The following GGTA1 variants were observed in gnomAD, a reference collection of about 807,000 sequenced individuals.
The protein encoded by GGTA1 is inactive N-acetyllactosaminide alpha-1,3-galactosyltransferase.
GGTA1 carries 5 observed loss-of-function variants against 2.6 expected under a neutral mutation model. That is an observed-to-expected ratio of 1.92 (90% CI 1.00 to 4.04). The LOEUF (loss-of-function observed/expected upper bound fraction) is 4.04. Among genes scored for constraint, GGTA1 ranks in the 30% most tolerant of loss-of-function variants. GGTA1 has a pLI of 0.00. For missense variants in GGTA1, 50 were observed against 16.7 expected (o/e 2.99, Z -3.47); for synonymous variants, 17 against 5.0 (o/e 3.38, Z -3.19).
At chr9:121,467,349 C>G (rs1457299348) in intron 2 of GGTA1, among the ~76,000 whole-genome samples, 2 of 152,186 alleles carry the variant, frequency 1.3e-5, no homozygotes, top group African/African-American at 4.8e-5. Flanking sequence ...CACTCTCTCT[C>G]TCTCTCAAAG....
intron 1 of GGTA1, among the ~76,000 whole-genome samples, chr9:121,491,473 C>T (rs12551532): frequency 0.071 from 10,841 of 152,214 alleles, 441 homozygotes; most frequent in Middle Eastern, 0.099. Flanking sequence ...ACTCTCTACC[C>T]GGTTCCCCCT....
intron 3 of GGTA1, among the ~76,000 whole-genome samples, chr9:121,462,410 G>C (rs1191981219): frequency 6.6e-6 from 1 of 152,142 alleles, no homozygotes; most frequent in Non-Finnish European, 1.5e-5. Flanking sequence ...AAGTCCGATG[G>C]ACAAATACGG....
At chr9:121,474,833 C>CGCAGACTCCACCTCTCT (rs1828470552) in intron 1 of GGTA1, among the ~76,000 whole-genome samples, 1 of 151,670 alleles carries the variant, frequency 6.6e-6, no homozygotes, top group Non-Finnish European at 1.5e-5. Context: ...AAGCCTTCTC[C>CGCAGACTCCACCTCTCT]GCAGGCTAAA....
chr9:121,477,182 C>T (rs1828527293), intron 1 of GGTA1, among the ~76,000 whole-genome samples: 1 of 152,194 alleles, frequency 6.6e-6, no homozygotes, highest in African/African-American at 2.4e-5. Flanking sequence ...GAGAAACTGT[C>T]AAATGACTTA....
Position 121,462,267 on chromosome 9 carries a change from G to A in GGTA1, c.117-950C>T, listed in dbSNP as rs139765142. On this transcript the variant is annotated intron_variant, in intron 3 of 5. Transcript: ENST00000481799. ...TTGAACCCAGGAGAAGGAGGTTGCC[G>A]TGAGCCAAGATGGCACCACTGCACT... 8.0e-3 allele frequency among the ~76,000 whole-genome samples: 1,218 copies of A among 152,152 alleles called. 15 individuals are homozygous for A. The highest frequency in any genetic ancestry group is 0.028 in the African/African-American group (1,158 of 41,488).
At position 121,457,038 on chromosome 9, in the gene GGTA1, G is replaced by A. The variant is rs141583531; in HGVS notation, c.299-1197C>T. 3.3e-5 allele frequency among the ~76,000 whole-genome samples: 5 copies of A among 152,332 alleles called. No individual in the cohort carries two copies. The East Asian group carries it at 9.7e-4, about 29-fold the overall frequency. On this transcript the variant is annotated intron_variant, in intron 5 of 5. Transcript: ENST00000481799. ...TGGCTAAACAAGGACACAGAGAAAA[G>A]CTGATGGCAACATGAACAGGGATGG...
chr9:121,499,267 C>T (rs1247231757), intron 1 of GGTA1, among the ~76,000 whole-genome samples: 1 of 152,104 alleles, frequency 6.6e-6, no homozygotes, highest in Non-Finnish European at 1.5e-5. Context: ...CTGTCCTGCC[C>T]CACAGGCAAG....
At chr9:121,473,355 C>G (rs531062621) in intron 1 of GGTA1, among the ~76,000 whole-genome samples, 1 of 150,472 alleles carries the variant, frequency 6.6e-6, no homozygotes, top group South Asian at 2.1e-4. Flanking sequence ...GAATTGGAAG[C>G]CGTCCGAACG....
chr9:121,477,438 C>T (rs371628933), intron 1 of GGTA1, among the ~76,000 whole-genome samples: 12 of 152,182 alleles, frequency 7.9e-5, no homozygotes, highest in African/African-American at 2.9e-4. Context: ...ATTAGTTTTA[C>T]ATCATTTTCT....
Position 121,449,397 on chromosome 9 carries a change from A to G in GGTA1, c.*119-1800T>C, listed in dbSNP as rs12686299. On this transcript the variant is annotated intron_variant and NMD_transcript_variant, in intron 7 of 7. Transcript: ENST00000481534. ...AATTGTCTTCCAAAGTGGCTGTACCATTTTGCATTCCTACCAGCAATGAAT... is the reference window on the plus strand; with the variant it reads ...AATTGTCTTCCAAAGTGGCTGTACCGTTTTGCATTCCTACCAGCAATGAAT... Among the ~76,000 whole-genome samples the G allele has an allele frequency of 7.6e-3, 1,156 of 152,262 alleles. 8 individuals carry two copies. Among genetic ancestry groups the G allele is most frequent in the East Asian group, 0.021 (109 of 5,184 alleles).
chr9:121,463,201 A>G (rs3747844), intron 3 of GGTA1, 92 bp downstream of exon 3: 23,767 of 434,952 alleles, frequency 0.055, 785 homozygotes, highest in Middle Eastern at 0.11. Flanking sequence ...GCCGAACACC[A>G]TGGCTGGCTG....
At chr9:121,483,412 A>C (rs184150455) in intron 1 of GGTA1, among the ~76,000 whole-genome samples, 1 of 152,266 alleles carries the variant, frequency 6.6e-6, no homozygotes, top group African/African-American at 2.4e-5. Flanking sequence ...ATTTCTAGAA[A>C]ATTCAAACAC....
At chr9:121,465,013 A>C (rs568307277) in intron 2 of GGTA1, among the ~76,000 whole-genome samples, 55 of 151,776 alleles carry the variant, frequency 3.6e-4, no homozygotes, top group African/African-American at 1.1e-3. Flanking sequence ...AACAAAAAAA[A>C]AAAAACAAAA....
chr9:121,469,131 AG>A (rs1419069425), intron 1 of GGTA1, among the ~76,000 whole-genome samples: 1 of 152,168 alleles, frequency 6.6e-6, no homozygotes, highest in African/African-American at 2.4e-5. Flanking sequence ...TTAAAAAAGC[AG>A]GGGTGCTGTG....
chr9:121,498,589 T>C (rs1232795466), intron 1 of GGTA1, among the ~76,000 whole-genome samples: 2 of 152,208 alleles, frequency 1.3e-5, no homozygotes, highest in Non-Finnish European at 1.5e-5. Flanking sequence ...AGGTGGTTCC[T>C]TACTGGCAGC....
At chr9:121,463,192 C>A in intron 3 of GGTA1, 101 bp downstream of exon 3, 1 of 430,854 alleles carries the variant, frequency 2.3e-6, no homozygotes, top group Admixed American at 3.0e-5. Flanking sequence ...CCGACTTTGG[C>A]CGAACACCAT....
chr9:121,450,450 C>T (rs1451932298), downstream of GGTA1, among the ~76,000 whole-genome samples: 3 of 152,276 alleles, frequency 2.0e-5, no homozygotes, highest in African/African-American at 4.8e-5. Flanking sequence ...AACATTACAC[C>T]TCCTAAAAGT....
chr9:121,493,594 T>A (rs906472834), intron 1 of GGTA1, among the ~76,000 whole-genome samples: 3 of 152,054 alleles, frequency 2.0e-5, no homozygotes, highest in African/African-American at 7.2e-5. Flanking sequence ...TTATTTTTGT[T>A]TCCCTCGGGG....
rs200761907 is a variant in GGTA1, at chr9:121,460,099, C to T, written c.298+5G>A. The T allele has an allele frequency of 3.1e-4, 141 of 456,692 alleles. No homozygotes were observed. Among genetic ancestry groups the T allele is most frequent in the Non-Finnish European group, 5.6e-4 (126 of 226,960 alleles). The allele number at this position is 456,692 out of a possible 1,614,324, so 28.3% of individuals were successfully genotyped here. ...CTGCACAGGGAGTGACGCCGCTTTT[C>T]TTACTTTGGATTAAACCAGTCCCAT... On this transcript the variant is annotated splice_donor_5th_base_variant and intron_variant, in intron 5 of 5. Coordinates refer to ENST00000481799, the MANE Select transcript of GGTA1 (RefSeq NM_001382585.1).
Sources: allele counts gnomAD v4.1 joint callset (sites outside exome capture counted in the v4.1 genomes callset), GRCh38; gene constraint gnomAD v4.1.1; transcripts MANE v1.5; gene names NCBI Gene and HGNC (gene_info 2026-07-23, HGNC 2026-07-21).